Variants in SDK1 observed in about 807,000 individuals in gnomAD.
The protein encoded by SDK1 is sidekick cell adhesion molecule 1.
SDK1 carries 157 observed loss-of-function variants against 245.5 expected under a neutral mutation model. That is an observed-to-expected ratio of 0.64 (90% CI 0.56 to 0.73). The LOEUF (loss-of-function observed/expected upper bound fraction) is 0.73, where lower values mean the gene tolerates loss of function less well. SDK1 is among the 30% of genes least tolerant of loss of function. The pLI, the probability that SDK1 is intolerant of heterozygous loss-of-function variation, is 0.00. For synonymous variants in SDK1, 1,647 were observed against 1,278.5 expected, an observed-to-expected ratio of 1.29 and a Z score of -6.15; for missense variants, 3,583 against 3,002.3, an observed-to-expected ratio of 1.19 and a Z score of -4.52.
intron 1 of SDK1, among the ~76,000 whole-genome samples, chr7:3,321,765 T>TC (rs1779813011): frequency 2.9e-4 from 21 of 71,366 alleles, no homozygotes; most frequent in South Asian, 7.7e-4. Flanking sequence ...CTCCCTCCCT[T>TC]CCTTCCTTCC....
intron 4 of SDK1, among the ~76,000 whole-genome samples, chr7:3,735,007 T>G (rs1343093470): frequency 6.6e-6 from 1 of 152,140 alleles, no homozygotes; most frequent in Non-Finnish European, 1.5e-5. Context: ...ATGGGTCAGT[T>G]AAGACCTCTG....
intron 1 of SDK1, among the ~76,000 whole-genome samples, chr7:3,322,671 G>A (rs1779846572): frequency 6.6e-6 from 1 of 152,130 alleles, no homozygotes; most frequent in Non-Finnish European, 1.5e-5. Context: ...GGCATTCAGG[G>A]ATCTTCATAA....
Position 4,211,292 on chromosome 7 carries a change from G to C in SDK1, c.5539+1130G>C, listed in dbSNP as rs1268375889. ...GGAAATGTCAGGGGCTTGACAGTGA[G>C]TGACAGGTGAAAACGGAAGGTGGAA... is the stretch of plus-strand genomic sequence containing the variant. On this transcript the variant is annotated intron_variant, in intron 38 of 44. Transcript: ENST00000404826. 2.6e-5 allele frequency among the ~76,000 whole-genome samples: 4 copies of C among 152,258 alleles called. 1 individual carries two copies. In the East Asian group the frequency reaches 7.7e-4, roughly 29 times the overall value.
chr7:3,777,943 C>G (rs181512388), intron 4 of SDK1, among the ~76,000 whole-genome samples: 7 of 152,294 alleles, frequency 4.6e-5, no homozygotes, highest in Non-Finnish European at 1.0e-4. Context: ...CAGCTTCATG[C>G]TGAGAAAGGA....
intron 1 of SDK1, among the ~76,000 whole-genome samples, chr7:3,521,330 CT>C (rs1242154950): frequency 1.3e-5 from 2 of 152,186 alleles, no homozygotes; most frequent in African/African-American, 4.8e-5. Flanking sequence ...TTGAAAGTAC[CT>C]TTTGCTTTGT....
intron 44 of SDK1, among the ~76,000 whole-genome samples, chr7:4,247,523 C>T (rs187088795): frequency 8.5e-4 from 129 of 152,352 alleles, no homozygotes; most frequent in African/African-American, 3.1e-3. Flanking sequence ...GCAGGTTGTG[C>T]GGAGCAGGCA....
chr7:3,376,672 C>G (rs1454291994), intron 1 of SDK1, among the ~76,000 whole-genome samples: 1 of 152,152 alleles, frequency 6.6e-6, no homozygotes, highest in Non-Finnish European at 1.5e-5. Context: ...ATTTGTCTGA[C>G]TTTTCTGGAG....
chr7:4,171,846 A>G (rs1188375574), intron 32 of SDK1, among the ~76,000 whole-genome samples: 5 of 152,344 alleles, frequency 3.3e-5, no homozygotes, highest in African/African-American at 1.2e-4. Flanking sequence ...CAGGATGGAT[A>G]CGTGACCCTT....
At chr7:4,237,609 C>G (rs770743143) in intron 41 of SDK1, 38 bp from the exon 42 acceptor site, 43 of 1,613,168 alleles carry the variant, frequency 2.7e-5, no homozygotes, top group Admixed American at 5.0e-5. Context: ...GCTGGAGCGT[C>G]TGCCCCATGT....
At chr7:3,762,037 C>T (rs1445464571) in intron 4 of SDK1, among the ~76,000 whole-genome samples, 1 of 152,132 alleles carries the variant, frequency 6.6e-6, no homozygotes, top group Non-Finnish European at 1.5e-5. Flanking sequence ...TGTATCTGAG[C>T]ATATCTTTAA....
chr7:3,501,012 T>G (rs60207294), intron 1 of SDK1, among the ~76,000 whole-genome samples: 3,010 of 152,250 alleles, frequency 0.02, 110 homozygotes, highest in African/African-American at 0.068. Flanking sequence ...CTCTGCATAC[T>G]TTCTTCTTTA....
At chr7:4,102,110 T>C (rs1398679671) in intron 22 of SDK1, among the ~76,000 whole-genome samples, 1 of 152,132 alleles carries the variant, frequency 6.6e-6, no homozygotes, top group Non-Finnish European at 1.5e-5. Context: ...GAAGCTTCCT[T>C]GGGAGTGAAG....
At chr7:3,782,303 T>C (rs527993322) in intron 4 of SDK1, among the ~76,000 whole-genome samples, 4 of 152,312 alleles carry the variant, frequency 2.6e-5, no homozygotes, top group Admixed American at 2.0e-4. Flanking sequence ...AACCAGATCT[T>C]GTGTGAACTC....
In SDK1 at chr7:3,739,748, C is replaced by T. The variant is rs540612203; in HGVS notation, c.714-81702C>T. ...ATTTCAAGGTTTTTTTCTGTAAAGT[C>T]TAGCATACCTTAGGGGCAGTTTCTA... On this transcript the variant is annotated intron_variant, in intron 4 of 44. Transcript: ENST00000404826. 4.6e-5 allele frequency among the ~76,000 whole-genome samples: 7 copies of T among 152,188 alleles called. No homozygotes were observed. In the South Asian group the frequency reaches 1.5e-3, roughly 32 times the overall value.
chr7:3,622,714 A>C (rs1276314371), intron 2 of SDK1, among the ~76,000 whole-genome samples: 1 of 152,196 alleles, frequency 6.6e-6, no homozygotes, highest in Non-Finnish European at 1.5e-5. Flanking sequence ...AGATTGAGGG[A>C]GTGACTCGTT....
At chr7:3,820,067 C>G (rs528088667) in intron 4 of SDK1, among the ~76,000 whole-genome samples, 1 of 152,274 alleles carries the variant, frequency 6.6e-6, no homozygotes, top group South Asian at 2.1e-4. Flanking sequence ...AGAGCTTAGA[C>G]TAAATGATAT....
intron 4 of SDK1, among the ~76,000 whole-genome samples, chr7:3,764,119 A>G (rs547044998): frequency 6.6e-6 from 1 of 152,242 alleles, no homozygotes; most frequent in East Asian, 1.9e-4. Context: ...TAATACTCGT[A>G]TTTTTATAAT....
chr7:4,028,207 A>G (rs1372649283), intron 17 of SDK1, among the ~76,000 whole-genome samples: 3 of 152,286 alleles, frequency 2.0e-5, no homozygotes, highest in Non-Finnish European at 2.9e-5. Flanking sequence ...GTGTTTCGAC[A>G]TGCCCTCCAG....
At chr7:3,582,453 C>T (rs756806989) in intron 1 of SDK1, among the ~76,000 whole-genome samples, 4 of 142,412 alleles carry the variant, frequency 2.8e-5, no homozygotes, top group Middle Eastern at 3.7e-3. Context: ...AGGTAGGTCT[C>T]CCTCAGGTAG....
Sources: gnomAD v4.1 joint callset for allele counts (sites outside exome capture counted in the v4.1 genomes callset) on GRCh38, gnomAD v4.1.1 for gene constraint, MANE v1.5 for transcripts, NCBI Gene and HGNC (gene_info 2026-07-23, HGNC 2026-07-21) for gene names.